Variants in ATG5 observed in about 807,000 individuals in gnomAD.
ATG5 encodes the protein autophagy protein 5.
A neutral mutation model predicts 36.5 loss-of-function variants in ATG5; 14 were observed. The observed-to-expected ratio is 0.38, with a 90% CI of 0.25 to 0.60. The LOEUF (loss-of-function observed/expected upper bound fraction) is 0.60, where lower values mean the gene tolerates loss of function less well. ATG5 is among the 20% of genes least tolerant of loss of function. The probability of loss-of-function intolerance (pLI) is 0.60; values close to 1 mark genes in which losing one functional copy is unlikely to be tolerated. For synonymous variants in ATG5, 95 were observed against 101.5 expected, an observed-to-expected ratio of 0.94 and a Z score of 0.38; for missense variants, 195 against 326.7, an observed-to-expected ratio of 0.60 and a Z score of 3.11.
chr6:106,237,261 ATTTC>A (rs1179568459), intron 6 of ATG5, among the ~76,000 whole-genome samples: 1 of 152,316 alleles, frequency 6.6e-6, no homozygotes, highest in South Asian at 2.1e-4. Context: ...GTTGGGCTGT[ATTTC>A]TTTAATCCTT....
intron 4 of ATG5, among the ~76,000 whole-genome samples, chr6:106,285,291 C>T (rs537824958): frequency 6.6e-6 from 1 of 152,020 alleles, no homozygotes; most frequent in Non-Finnish European, 1.5e-5. Context: ...ATAATAGTTG[C>T]TTTAATTCAT....
At chr6:106,215,182 T>C (rs1357103193) in intron 6 of ATG5, among the ~76,000 whole-genome samples, 1 of 152,238 alleles carries the variant, frequency 6.6e-6, no homozygotes, top group African/African-American at 2.4e-5. Flanking sequence ...TTTTAATTAG[T>C]ATAAACAAAG....
intron 3 of ATG5, among the ~76,000 whole-genome samples, chr6:106,294,422 A>G (rs979968133): frequency 6.6e-6 from 1 of 151,376 alleles, no homozygotes; most frequent in Non-Finnish European, 1.5e-5. Flanking sequence ...AAACATAGAT[A>G]TATGTTTATA....
chr6:106,282,181 T>A (rs1280863332), intron 4 of ATG5, among the ~76,000 whole-genome samples: 1 of 152,232 alleles, frequency 6.6e-6, no homozygotes, highest in East Asian at 1.9e-4. Context: ...TCAATTCATG[T>A]TATGAGCTGT....
At chr6:106,308,309 C>A (rs144484144) in intron 3 of ATG5, 55 bp downstream of exon 3, 17 of 1,417,624 alleles carry the variant, frequency 1.2e-5, no homozygotes, top group South Asian at 3.4e-5. Flanking sequence ...GGGCACTATA[C>A]CTTTTTAAAG....
At chr6:106,274,483 G>A (rs527315956) in intron 5 of ATG5, among the ~76,000 whole-genome samples, 1 of 152,132 alleles carries the variant, frequency 6.6e-6, no homozygotes, top group Non-Finnish European at 1.5e-5. Context: ...CTGTTGTTTA[G>A]CTGTTATAAT....
chr6:106,252,567 A>C (rs73775402), intron 5 of ATG5, among the ~76,000 whole-genome samples: 3,694 of 152,316 alleles, frequency 0.024, 62 homozygotes, highest in African/African-American at 0.049. Flanking sequence ...AACTGCAGGA[A>C]AAAGTGATAA....
intron 5 of ATG5, among the ~76,000 whole-genome samples, chr6:106,264,917 G>GA (rs1779170437): frequency 6.6e-6 from 1 of 151,900 alleles, no homozygotes; most frequent in African/African-American, 2.4e-5. Context: ...CCAACACTAT[G>GA]AAAAAACTGC....
chr6:106,239,686 G>A (rs1241686668), intron 6 of ATG5, among the ~76,000 whole-genome samples: 1 of 152,226 alleles, frequency 6.6e-6, no homozygotes, highest in Non-Finnish European at 1.5e-5. Flanking sequence ...AACCAGGGGT[G>A]GCATATTCAT....
intron 4 of ATG5, among the ~76,000 whole-genome samples, chr6:106,292,722 G>A (rs773203018): frequency 2.0e-5 from 3 of 152,004 alleles, no homozygotes; most frequent in African/African-American, 7.3e-5. Flanking sequence ...GGCTCACCTC[G>A]GCCTCCCAAA....
intron 3 of ATG5, among the ~76,000 whole-genome samples, chr6:106,294,876 C>T (rs1780477568): frequency 1.4e-5 from 2 of 140,768 alleles, no homozygotes; most frequent in South Asian, 2.3e-4. Flanking sequence ...TTAGGATGAA[C>T]GCCCGGTCGG....
intron 6 of ATG5, among the ~76,000 whole-genome samples, chr6:106,246,359 C>CTG (rs1193672067): frequency 6.9e-6 from 1 of 144,416 alleles, no homozygotes; most frequent in Non-Finnish European, 1.5e-5. Context: ...AAACCATTCT[C>CTG]TCTCTGTCTC....
intron 6 of ATG5, among the ~76,000 whole-genome samples, chr6:106,217,789 C>CA (rs1297677631): frequency 6.6e-6 from 1 of 152,022 alleles, no homozygotes; most frequent in Non-Finnish European, 1.5e-5. Context: ...CCTATTTCCA[C>CA]AAAAAAATTC....
In ATG5 at chr6:106,293,096, T is replaced by C. The variant is rs992870714; in HGVS notation, c.247A>G (p.Ile83Val). The C allele has an allele frequency of 8.7e-6, 14 of 1,612,658 alleles. No homozygotes were observed. Among genetic ancestry groups the C allele is most frequent in the East Asian group, 4.5e-5 (2 of 44,802 alleles). Residue 83 changes from isoleucine (I) to valine (V), a missense_variant, in exon 4 of 8, where the codon ATT becomes GTT. Ile to Val is a conservative substitution (Grantham distance 29, BLOSUM62 3). Transcript: ENST00000369076. The part of the protein sequence containing the change: ...EGTPLKWHYP[I>V]GLLFDLLASS... ...GCAAGAAGATCAAATAGCAAACCAATTGGATAATGCCTAAAAATGAAACAG... is the reference window on the plus strand; with the variant it reads ...GCAAGAAGATCAAATAGCAAACCAACTGGATAATGCCTAAAAATGAAACAG...
chr6:106,213,423 T>C (rs1776928848), intron 6 of ATG5, among the ~76,000 whole-genome samples: 1 of 152,182 alleles, frequency 6.6e-6, no homozygotes, highest in African/African-American at 2.4e-5. Flanking sequence ...AAGTAAAATA[T>C]GCTAATTGTG....
chr6:106,224,717 T>C (rs750044291), intron 6 of ATG5, among the ~76,000 whole-genome samples: 1 of 152,040 alleles, frequency 6.6e-6, no homozygotes, highest in Non-Finnish European at 1.5e-5. Context: ...CTCCCCTGTC[T>C]GTACTAATAC....
chr6:106,212,894 G>A (rs775212379), intron 6 of ATG5, among the ~76,000 whole-genome samples: 10 of 152,086 alleles, frequency 6.6e-5, no homozygotes, highest in Non-Finnish European at 1.0e-4. Context: ...CATTACTTTA[G>A]AGAATCAAGT....
In ATG5 at chr6:106,324,221, A is replaced by C. The variant is rs574480601; in HGVS notation, c.-59+1305T>G. On this transcript the variant is annotated intron_variant, in intron 1 of 7. Transcript: ENST00000369076. ...AAAAAAAAGTCAGTACTGAACATGT[A>C]TAGACTCTTTTTTGTCATTATTCCC... Among the ~76,000 whole-genome samples the C allele has an allele frequency of 4.5e-4, 69 of 152,354 alleles. 1 individual carries two copies. In the South Asian group the frequency reaches 0.014, roughly 31 times the overall value.
At chr6:106,252,662 A>G (rs1778639516) in intron 5 of ATG5, among the ~76,000 whole-genome samples, 2 of 152,220 alleles carry the variant, frequency 1.3e-5, no homozygotes, top group African/African-American at 4.8e-5. Flanking sequence ...CACAAATAAC[A>G]TGTCTAAAAT....
Sources: gnomAD v4.1 joint callset for allele counts (sites outside exome capture counted in the v4.1 genomes callset) on GRCh38, gnomAD v4.1.1 for gene constraint, MANE v1.5 for transcripts, NCBI Gene and HGNC (gene_info 2026-07-23, HGNC 2026-07-21) for gene names.